Variants in PPP6R3 observed in about 807,000 individuals in gnomAD.
The protein encoded by PPP6R3 is protein phosphatase 6 regulatory subunit 3, also known as serine/threonine-protein phosphatase 6 regulatory subunit 3.
In PPP6R3, 38 loss-of-function variants were observed where a neutral mutation model predicts 110.7. The ratio of observed to expected loss-of-function variants is 0.34; its 90% confidence interval spans 0.26 to 0.45. The LOEUF (loss-of-function observed/expected upper bound fraction) is 0.45. Among genes scored for constraint, PPP6R3 ranks in the 20% least tolerant of loss-of-function variants. The pLI, the probability that PPP6R3 is intolerant of heterozygous loss-of-function variation, is 1.00. For synonymous variants in PPP6R3, 369 were observed against 373.5 expected, an observed-to-expected ratio of 0.99 and a Z score of 0.14; for missense variants, 870 against 1,062.4, an observed-to-expected ratio of 0.82 and a Z score of 2.52.
At chr11:68,558,324 T>C (rs1190701315) in intron 7 of PPP6R3, 1 of 260,878 alleles carries the variant, frequency 3.8e-6, no homozygotes, top group Non-Finnish European at 7.2e-6. Context: ...GCCCAGGTTA[T>C]TTTGCTGAGG....
At chr11:68,596,426 C>G (rs998890775) in intron 19 of PPP6R3, among the ~76,000 whole-genome samples, 1 of 152,168 alleles carries the variant, frequency 6.6e-6, no homozygotes, top group Non-Finnish European at 1.5e-5. Flanking sequence ...GATAAGGTAC[C>G]TCCCCTTCCT....
intron 1 of PPP6R3, among the ~76,000 whole-genome samples, chr11:68,492,237 A>G (rs536314286): frequency 1.3e-5 from 2 of 152,234 alleles, no homozygotes; most frequent in African/African-American, 4.8e-5. Flanking sequence ...GCTCACTGCA[A>G]CCTCATACTC....
intron 1 of PPP6R3, among the ~76,000 whole-genome samples, chr11:68,486,789 T>G (rs914728053): frequency 1.3e-5 from 2 of 152,076 alleles, no homozygotes; most frequent in Non-Finnish European, 2.9e-5. Flanking sequence ...CCCTTAAGAT[T>G]ATCTCTTTTT....
At chr11:68,607,891 A>C (rs1941159492) in intron 22 of PPP6R3, among the ~76,000 whole-genome samples, 1 of 152,098 alleles carries the variant, frequency 6.6e-6, no homozygotes, top group Non-Finnish European at 1.5e-5. Flanking sequence ...CTCCCACCTC[A>C]GTATCCCAAG....
At chr11:68,475,427 G>A (rs1294047688) in intron 1 of PPP6R3, among the ~76,000 whole-genome samples, 1 of 152,148 alleles carries the variant, frequency 6.6e-6, no homozygotes, top group Non-Finnish European at 1.5e-5. Context: ...TGAGCTGTTG[G>A]GTACACCTCC....
At chr11:68,462,075 A>G (rs561678089) in intron 1 of PPP6R3, among the ~76,000 whole-genome samples, 2 of 152,296 alleles carry the variant, frequency 1.3e-5, no homozygotes, top group East Asian at 3.9e-4. Context: ...TGTCCCAGCC[A>G]TAAGTTTGTC....
At position 68,614,502 on chromosome 11, in the gene PPP6R3, T is replaced by C; in HGVS notation, c.*1385T>C. ...AGTATTTAAAACCAAAAGGATATTC[T>C]GAAAAATGGCCAACAATTTTTTTAG... On this transcript the variant is annotated 3_prime_UTR_variant, in exon 24 of 24. Coordinates refer to ENST00000393800, the MANE Select transcript of PPP6R3 (RefSeq NM_001164161.2). 1 of 1,416,600 alleles carries C rather than the reference T, an allele frequency of 7.1e-7. No individual in the cohort carries two copies. Among genetic ancestry groups the C allele is most frequent in the Non-Finnish European group, 9.2e-7 (1 of 1,088,368 alleles). 87.8% of individuals were successfully genotyped at this position (1,416,600 alleles called of 1,614,324 possible). A position where few individuals can be genotyped will look rare whatever the true frequency, so the allele number is the denominator to read the frequency against.
chr11:68,566,516 A>C (rs956389130), intron 9 of PPP6R3, among the ~76,000 whole-genome samples: 1 of 152,050 alleles, frequency 6.6e-6, no homozygotes, highest in Non-Finnish European at 1.5e-5. Flanking sequence ...GTGCATCACC[A>C]TGCCTGGCTA....
chr11:68,474,260 G>A (rs545645562), intron 1 of PPP6R3, among the ~76,000 whole-genome samples: 1 of 152,170 alleles, frequency 6.6e-6, no homozygotes, highest in African/African-American at 2.4e-5. Flanking sequence ...TGCCTAGGCT[G>A]GTCTCGAACT....
chr11:68,462,028 T>C (rs1374450129), intron 1 of PPP6R3, among the ~76,000 whole-genome samples: 1 of 152,130 alleles, frequency 6.6e-6, no homozygotes, highest in Non-Finnish European at 1.5e-5. Context: ...ACCCAGCTTC[T>C]CTTTTTTTTT....
rs200376653 is a variant in PPP6R3 at position 68,485,855 on chromosome 11, C to T, written c.-158+25028C>T. ...GACTACAGGTGTGTGCCATCATGCC[C>T]GGCGACAGATTTTTGATTATTAAAG... On this transcript the variant is annotated intron_variant, in intron 1 of 23. Transcript: ENST00000393800. 1.8e-4 allele frequency among the ~76,000 whole-genome samples: 28 copies of T among 152,026 alleles called. No individual in the cohort carries two copies. In the East Asian group the frequency reaches 2.5e-3, roughly 14 times the overall value.
chr11:68,477,741 A>AAAAAAAATATATATATAT, intron 1 of PPP6R3, among the ~76,000 whole-genome samples: 3 of 57,894 alleles, frequency 5.2e-5, no homozygotes, highest in Admixed American at 2.0e-4. Flanking sequence ...AAAAAAAAAA[A>AAAAAAAATATATATATAT]ATATATATAT....
chr11:68,471,961 A>C (rs2098795088), intron 1 of PPP6R3, among the ~76,000 whole-genome samples: 1 of 151,020 alleles, frequency 6.6e-6, no homozygotes, highest in African/African-American at 2.4e-5. Context: ...AGTCAGTGAG[A>C]ATGAGGGGGT....
chr11:68,472,495 G>T (rs1264022584), intron 1 of PPP6R3, among the ~76,000 whole-genome samples: 1 of 151,932 alleles, frequency 6.6e-6, no homozygotes, highest in Admixed American at 6.6e-5. Flanking sequence ...GGTGCAAATT[G>T]TTTTCCAAAA....
chr11:68,471,579 G>A (rs538937397), intron 1 of PPP6R3, among the ~76,000 whole-genome samples: 5 of 152,312 alleles, frequency 3.3e-5, no homozygotes, highest in Non-Finnish European at 5.9e-5. Context: ...TGCAGGAAAA[G>A]CCTGGAAGGG....
chr11:68,504,622 T>G (rs959338785), intron 1 of PPP6R3, among the ~76,000 whole-genome samples: 3 of 152,222 alleles, frequency 2.0e-5, no homozygotes, highest in African/African-American at 7.2e-5. Flanking sequence ...TTGGTTTGGC[T>G]CATTGACAAA....
chr11:68,528,435 G>GGT (rs200337773), intron 2 of PPP6R3, among the ~76,000 whole-genome samples: 8,275 of 83,714 alleles, frequency 0.099, 330 homozygotes, highest in Middle Eastern at 0.25. Context: ...TGTGTGTGTG[G>GGT]GGGGGGGGGC....
At chr11:68,567,416 C>T (rs1049961599) in intron 10 of PPP6R3, among the ~76,000 whole-genome samples, 14 of 152,174 alleles carry the variant, frequency 9.2e-5, no homozygotes, top group Non-Finnish European at 1.5e-4. Context: ...TAAGAGACAT[C>T]GGCTTTTCCC....
chr11:68,579,645 C>T (rs940069734), intron 14 of PPP6R3, among the ~76,000 whole-genome samples: 6 of 152,184 alleles, frequency 3.9e-5, no homozygotes, highest in Non-Finnish European at 8.8e-5. Flanking sequence ...GAGTAAGAGA[C>T]ACGTGTGCAC....
Sources: gnomAD v4.1 joint callset for allele counts (sites outside exome capture counted in the v4.1 genomes callset) on GRCh38, gnomAD v4.1.1 for gene constraint, MANE v1.5 for transcripts, NCBI Gene and HGNC (gene_info 2026-07-23, HGNC 2026-07-21) for gene names.